PLSCR2: variants seen among roughly 807,000 people sequenced by gnomAD.
PLSCR2 encodes the protein PL scramblase 2.
PLSCR2 carries 18 observed loss-of-function variants against 25.3 expected under a neutral mutation model. The observed-to-expected ratio is 0.71, with a 90% confidence interval of 0.49 to 1.06. The LOEUF (loss-of-function observed/expected upper bound fraction) is 1.06. PLSCR2 is among the 50% of genes least tolerant of loss of function. The probability of loss-of-function intolerance (pLI) is 0.00; values close to 1 mark genes in which losing one functional copy is unlikely to be tolerated. For synonymous variants in PLSCR2, 88 were observed against 87.3 expected, an observed-to-expected ratio of 1.01 and a Z score of -0.04; for missense variants, 243 against 269.5, an observed-to-expected ratio of 0.90 and a Z score of 0.69.
downstream of PLSCR2, among the ~76,000 whole-genome samples, chr3:146,441,427 G>C (rs1400644333): frequency 6.6e-6 from 1 of 151,694 alleles, no homozygotes; most frequent in Non-Finnish European, 1.5e-5. Context: ...CTTTAATAAG[G>C]CTTTAATTTT....
chr3:146,455,100 T>A (rs2041124108), intron 4 of PLSCR2, 139 bp downstream of exon 4: 1 of 630,818 alleles, frequency 1.6e-6, no homozygotes, highest in African/African-American at 1.8e-5. Flanking sequence ...TTCCTTCTTA[T>A]ACAATTGATT....
intron 1 of PLSCR2, among the ~76,000 whole-genome samples, chr3:146,493,754 CTTCT>C (rs988984921): frequency 1.6e-5 from 1 of 61,852 alleles, no homozygotes; most frequent in African/African-American, 6.0e-5. Context: ...TCTTTGATTT[CTTCT>C]TTCTGTTTTT....
intron 1 of PLSCR2, among the ~76,000 whole-genome samples, chr3:146,493,788 T>TTG (rs1210116803): frequency 1.4e-5 from 2 of 147,602 alleles, no homozygotes; most frequent in East Asian, 4.0e-4. Flanking sequence ...GTGGCGTTTT[T>TTG]TTTTTTTTTT....
At chr3:146,394,972 G>A (rs2038225033) in intron 3 of PLSCR2, among the ~76,000 whole-genome samples, 3 of 152,198 alleles carry the variant, frequency 2.0e-5, no homozygotes, top group Admixed American at 2.0e-4. Flanking sequence ...AAAGGTGCCT[G>A]CTTCCCCTTC....
intron 1 of PLSCR2, among the ~76,000 whole-genome samples, chr3:146,484,179 A>G (rs2043260147): frequency 6.6e-6 from 1 of 151,186 alleles, no homozygotes; most frequent in African/African-American, 2.4e-5. Flanking sequence ...GAAGCAGAAA[A>G]TAAAATATCA....
downstream of PLSCR2, among the ~76,000 whole-genome samples, chr3:146,429,182 C>A (rs992125107): frequency 1.3e-5 from 2 of 152,216 alleles, no homozygotes; most frequent in African/African-American, 4.8e-5. Flanking sequence ...TCTGGTGAGG[C>A]CTCAGGAAGT....
intron 3 of PLSCR2, among the ~76,000 whole-genome samples, chr3:146,391,887 G>A (rs980799707): frequency 2.0e-5 from 3 of 152,056 alleles, no homozygotes; most frequent in African/African-American, 4.8e-5. Flanking sequence ...GAGGAAAAGA[G>A]AAGGAAAAAA....
chr3:146,395,635 T>C (rs2038249476), intron 3 of PLSCR2: 1 of 155,982 alleles, frequency 6.4e-6, no homozygotes, highest in South Asian at 1.9e-4. Flanking sequence ...ATTCGGGGAC[T>C]GAGGATGGCC....
intron 2 of PLSCR2, among the ~76,000 whole-genome samples, chr3:146,426,693 G>C (rs952931068): frequency 1.3e-5 from 2 of 152,122 alleles, no homozygotes; most frequent in African/African-American, 4.8e-5. Context: ...ATATTATTTA[G>C]TACTTTAATT....
chr3:146,428,093 T>C (rs1265831669), intron 2 of PLSCR2, among the ~76,000 whole-genome samples: 4 of 152,202 alleles, frequency 2.6e-5, no homozygotes, highest in African/African-American at 9.6e-5. Flanking sequence ...GCAACAATGG[T>C]GAGAAAATTC....
chr3:146,424,313 G>A (rs1342339086), intron 2 of PLSCR2, among the ~76,000 whole-genome samples: 2 of 151,894 alleles, frequency 1.3e-5, no homozygotes, highest in Non-Finnish European at 2.9e-5. Flanking sequence ...TTTGGGATCA[G>A]GGCCCCATCC....
downstream of PLSCR2, among the ~76,000 whole-genome samples, chr3:146,430,564 T>C (rs1233369955): frequency 2.6e-5 from 4 of 152,196 alleles, no homozygotes; most frequent in Non-Finnish European, 4.4e-5. Flanking sequence ...TTTTTTCTGA[T>C]TACACTAATG....
chr3:146,406,439 C>G (rs1417625942), intron 2 of PLSCR2, among the ~76,000 whole-genome samples: 2 of 152,168 alleles, frequency 1.3e-5, no homozygotes, highest in East Asian at 1.9e-4. Flanking sequence ...GCTCTGGGAA[C>G]AGTACACATA....
chr3:146,455,784 G>A (rs1338492961), intron 3 of PLSCR2, among the ~76,000 whole-genome samples: 1 of 152,150 alleles, frequency 6.6e-6, no homozygotes, highest in Non-Finnish European at 1.5e-5. Flanking sequence ...GGTGCTAGGT[G>A]TATGGATAAA....
chr3:146,469,307 A>G, intron 1 of PLSCR2, 188 bp downstream of exon 1: 1 of 985,570 alleles, frequency 1.0e-6, no homozygotes, highest in Non-Finnish European at 1.2e-6. Flanking sequence ...GGTGTGAGCC[A>G]GGGTACAGCT....
chr3:146,399,140 T>C (rs1033830767), intron 2 of PLSCR2, among the ~76,000 whole-genome samples: 14 of 151,882 alleles, frequency 9.2e-5, no homozygotes, highest in Non-Finnish European at 1.0e-4. Flanking sequence ...AGAATTACTT[T>C]TTAAATTGCC....
At chr3:146,428,198 T>A (rs1267621810) in intron 2 of PLSCR2, among the ~76,000 whole-genome samples, 1 of 152,220 alleles carries the variant, frequency 6.6e-6, no homozygotes, top group Non-Finnish European at 1.5e-5. Flanking sequence ...ATCTGGATTA[T>A]CTCTGAATTA....
intron 5 of PLSCR2, among the ~76,000 whole-genome samples, chr3:146,451,107 CTTTTTTTTTTTTTTTT>C (rs58373001): frequency 2.5e-5 from 2 of 79,482 alleles, no homozygotes; most frequent in Non-Finnish European, 4.7e-5. Context: ...ATTAAGTTTT[CTTTTTTTTTTTTTTTT>C]TTTTTTTTGA....
At chr3:146,490,910 A>G (rs959619422) in intron 1 of PLSCR2, among the ~76,000 whole-genome samples, 6 of 152,080 alleles carry the variant, frequency 3.9e-5, no homozygotes, top group African/African-American at 1.4e-4. Context: ...TGGTTATTAT[A>G]TAGACCTGAT....
Sources: allele counts gnomAD v4.1 joint callset (sites outside exome capture counted in the v4.1 genomes callset), GRCh38; gene constraint gnomAD v4.1.1; transcripts MANE v1.5; gene names NCBI Gene and HGNC (gene_info 2026-07-23, HGNC 2026-07-21).